TRAF7: variants seen among roughly 807,000 people sequenced by gnomAD.
The protein encoded by TRAF7 is E3 ubiquitin-protein ligase TRAF7.
TRAF7 carries 45 observed loss-of-function variants against 89.3 expected under a neutral mutation model. That is an observed-to-expected ratio of 0.50 (90% confidence interval 0.40 to 0.65). The LOEUF is 0.65. Ranked by LOEUF, TRAF7 falls within the 30% of genes least tolerant of loss-of-function variation. TRAF7 has a pLI of 0.00. For synonymous variants in TRAF7, 406 were observed against 369.2 expected, an observed-to-expected ratio of 1.10 and a Z score of -1.14; for missense variants, 677 against 918.1, an observed-to-expected ratio of 0.74 and a Z score of 3.39.
chr16:2,174,717 G>T (rs969341607), intron 14 of TRAF7, among the ~76,000 whole-genome samples: 5 of 152,222 alleles, frequency 3.3e-5, no homozygotes, highest in African/African-American at 1.2e-4. Context: ...CCACTTTCTT[G>T]CCTCCAGGTG....
intron 2 of TRAF7, 100 bp downstream of exon 2, chr16:2,164,101 G>C (rs566822053): frequency 8.4e-5 from 98 of 1,168,218 alleles, no homozygotes; most frequent in Non-Finnish European, 4.8e-6. Flanking sequence ...GTCCCGTCCC[G>C]AGCTGGGGTC....
At position 2,161,157 on chromosome 16, in the gene TRAF7, T is replaced by C. The variant is rs540626142; in HGVS notation, c.-38-2726T>C. Among the ~76,000 whole-genome samples, 110 of 151,772 alleles carry C rather than the reference T, an allele frequency of 7.2e-4. No homozygotes were observed. The highest frequency in any genetic ancestry group is 6.8e-3 in the Middle Eastern group (2 of 294). On this transcript the variant is annotated intron_variant, in intron 1 of 20. Transcript: ENST00000326181. The surrounding 1 kb of genome is among the most constrained non-coding windows in gnomAD (Gnocchi z 5.2). ...GAGTGAACTGGGAAGCAGCCTCCTG[T>C]GCAGAGTATCCCCCTCCTTCCCTCC...
At position 2,163,747 on chromosome 16, in the gene TRAF7, C is replaced by T; in HGVS notation, c.-38-136C>T. The T allele has an allele frequency of 3.1e-6, 2 of 644,760 alleles. No homozygotes were observed. Among genetic ancestry groups the T allele is most frequent in the South Asian group, 1.8e-5 (1 of 56,702 alleles). The allele number at this position is 644,760 out of a possible 1,614,324, so 39.9% of individuals were successfully genotyped here. The stretch of plus-strand genomic sequence containing the variant: ...TTTGCCTCCTAGAGGCCTGCCTGAG[C>T]CGGGGCTGGTGGTGGAAGGCTGCTG... On this transcript the variant is annotated intron_variant, in intron 1 of 20. Transcript: ENST00000326181. This position sits in a 1 kb window ranked among gnomAD's most constrained non-coding sequence, Gnocchi z 4.3.
chr16:2,163,965 G>C lies in TRAF7; in HGVS notation c.45G>C (p.Gly15=). 1.2e-6 allele frequency: 2 copies of C among 1,612,684 alleles called. No homozygotes were observed. Among genetic ancestry groups the C allele is most frequent in the Non-Finnish European group, 8.5e-7 (1 of 1,179,714 alleles). ...KSARYNRFSG[G]PSNLPTPDVT... is the part of the protein sequence containing the mutation. ...CCCGCTACAACCGCTTCTCCGGGGG[G>C]CCCAGCAATCTTCCCACCCCAGACG... is the stretch of plus-strand genomic sequence containing the variant. The change falls in exon 2 of 21, where the codon GGG becomes GGC. Residue 15 remains glycine, a synonymous_variant. Transcript: ENST00000326181. This position sits in a 1 kb window ranked among gnomAD's most constrained non-coding sequence, Gnocchi z 4.3.
chr16:2,164,405 T>G (rs1429616330), intron 2 of TRAF7, among the ~76,000 whole-genome samples: 1 of 143,090 alleles, frequency 7.0e-6, no homozygotes, highest in East Asian at 2.2e-4. Context: ...GTCGCATGGT[T>G]AAGCGTGTGA....
chr16:2,173,593 CG>C, intron 11 of TRAF7, 39 bp downstream of exon 11: 1 of 1,604,950 alleles, frequency 6.2e-7, no homozygotes, highest in Non-Finnish European at 8.5e-7. Context: ...TTGTGAGACC[CG>C]GGGAGGCCGG....
In TRAF7 at chr16:2,162,759, G is replaced by C. The variant is rs1289723843; in HGVS notation, c.-38-1124G>C. Among the ~76,000 whole-genome samples the C allele has an allele frequency of 2.0e-5, 3 of 152,066 alleles. No individual in the cohort carries two copies. Among genetic ancestry groups the C allele is most frequent in the African/African-American group, 7.2e-5 (3 of 41,426 alleles). On this transcript the variant is annotated intron_variant, in intron 1 of 20. Transcript: ENST00000326181. This position sits in a 1 kb window ranked among gnomAD's most constrained non-coding sequence, Gnocchi z 5.0. Reference sequence around the variant, plus strand: ...ATGGGCCTCGAGGTGGACAGTGCAGGTGGGCCCGGGGCAGGAGTCCTGGGC... The same window carrying C: ...ATGGGCCTCGAGGTGGACAGTGCAGCTGGGCCCGGGGCAGGAGTCCTGGGC...
Position 2,168,418 on chromosome 16 carries a change from C to T in TRAF7, c.231+250C>T. On this transcript the variant is annotated intron_variant, in intron 4 of 20. Coordinates refer to ENST00000326181, the MANE Select transcript of TRAF7 (RefSeq NM_032271.3). This position sits in a 1 kb window ranked among gnomAD's most constrained non-coding sequence, Gnocchi z 4.1. ...GTCAGAGGGCCTGGCACCTGCAGGC[C>T]AGGATGAGGCATATTTGGCTCCATC... The T allele has an allele frequency of 8.4e-6, 4 of 476,066 alleles. No homozygotes were observed. Among genetic ancestry groups the T allele is most frequent in the Non-Finnish European group, 1.1e-5 (3 of 263,080 alleles). 29.5% of individuals were successfully genotyped at this position (476,066 alleles called of 1,614,324 possible).
At chr16:2,167,105 C>T (rs1330795101) in intron 3 of TRAF7, among the ~76,000 whole-genome samples, 2 of 151,848 alleles carry the variant, frequency 1.3e-5, no homozygotes, top group Admixed American at 6.6e-5. Flanking sequence ...TTTTTCTAAT[C>T]CTACCCCCCA....
In TRAF7 at chr16:2,172,191, A is replaced by G; in HGVS notation, c.476A>G (p.Glu159Gly). 1.2e-6 allele frequency: 2 copies of G among 1,612,986 alleles called. No homozygotes were observed. Among genetic ancestry groups the G allele is most frequent in the Non-Finnish European group, 1.7e-6 (2 of 1,179,946 alleles). The change falls in exon 8 of 21, where the codon GAG becomes GGG. Residue 159 changes from glutamate to glycine, a missense_variant and splice_region_variant. This residue lies in a region of TRAF7 where 238 missense variants were observed against 352.6 expected (regional missense o/e 0.67). Transcript: ENST00000326181. ...TFCRRCALKS[E>G]KCPVDNVKLT... ...GGGTCAGCACGCCCTCCTCTCCCAG[A>G]GAAGTGTCCCGTGGACAACGTCAAA...
intron 1 of TRAF7, among the ~76,000 whole-genome samples, chr16:2,160,639 C>G (rs1013425742): frequency 3.3e-5 from 5 of 151,834 alleles, no homozygotes; most frequent in African/African-American, 1.2e-4. Context: ...GGGGAAAGCC[C>G]TTTCTCAGCC....
At chr16:2,175,742 G>A in intron 17 of TRAF7, 92 bp from the exon 18 acceptor site, 1 of 1,589,998 alleles carries the variant, frequency 6.3e-7, no homozygotes, top group Admixed American at 1.7e-5. Context: ...CTGGGTGGGT[G>A]GGCTGCCCAG....
In TRAF7 at chr16:2,168,153, CGAG is replaced by C. The variant is rs768467609; in HGVS notation, c.222_224del (p.Glu74del). 13 of 1,611,376 alleles carry C rather than the reference CGAG, an allele frequency of 8.1e-6. No individual in the cohort carries two copies. The highest frequency in any genetic ancestry group is 1.7e-5 in the Admixed American group (1 of 59,918). On this transcript the variant is annotated inframe_deletion, in exon 4 of 21. Coordinates refer to ENST00000326181, the MANE Select transcript of TRAF7 (RefSeq NM_032271.3). The surrounding 1 kb of genome is among the most constrained non-coding windows in gnomAD (Gnocchi z 4.1). The stretch of plus-strand genomic sequence containing the variant: ...GCACCCTTGCCTACTCCCCGCGGGA[CGAG>C]GAGGACAGCATGGTAGGTCCCTACC...
rs370666417 is a variant in TRAF7 at position 2,176,724 on chromosome 16, A to G, written c.*150A>G. On this transcript the variant is annotated 3_prime_UTR_variant, in exon 21 of 21. Coordinates refer to ENST00000326181, the MANE Select transcript of TRAF7 (RefSeq NM_032271.3). ...AGCCGGGCAGTGCCCTCCCCGTCCC[A>G]TGCTCGGCGAGCCTCCCTCTACTCG... 1 of 1,163,404 alleles carries G rather than the reference A, an allele frequency of 8.6e-7. No individual in the cohort carries two copies. Among genetic ancestry groups the G allele is most frequent in the Non-Finnish European group, 1.2e-6 (1 of 803,688 alleles). The allele number at this position is 1,163,404 out of a possible 1,614,324, so 72.1% of individuals were successfully genotyped here.
At chr16:2,171,840 G>A (rs556187628) in intron 7 of TRAF7, among the ~76,000 whole-genome samples, 2 of 152,220 alleles carry the variant, frequency 1.3e-5, no homozygotes, top group Admixed American at 1.3e-4. Flanking sequence ...CCCACAGTGG[G>A]TGTGGGCCGA....
intron 1 of TRAF7, among the ~76,000 whole-genome samples, chr16:2,156,360 A>G (rs1223511944): frequency 6.6e-6 from 1 of 152,120 alleles, no homozygotes; most frequent in Admixed American, 6.5e-5. Context: ...CAATTGCGAT[A>G]ACAAATGTCT....
Position 2,176,741 on chromosome 16 carries a change from C to A in TRAF7, c.*167C>A. On this transcript the variant is annotated 3_prime_UTR_variant, in exon 21 of 21. Coordinates refer to ENST00000326181, the MANE Select transcript of TRAF7 (RefSeq NM_032271.3). ...CCCGTCCCATGCTCGGCGAGCCTCC[C>A]TCTACTCGGCACTGTCCTTGCTGCC... 1 of 987,086 alleles carries A rather than the reference C, an allele frequency of 1.0e-6. No individual in the cohort carries two copies. The highest frequency in any genetic ancestry group is 1.5e-6 in the Non-Finnish European group (1 of 650,624). 61.1% of individuals were successfully genotyped at this position (987,086 alleles called of 1,614,324 possible). A position where few individuals can be genotyped will look rare whatever the true frequency, so the allele number is the denominator to read the frequency against.
chr16:2,170,310 A>G (rs2093103146), intron 4 of TRAF7, among the ~76,000 whole-genome samples: 1 of 152,232 alleles, frequency 6.6e-6, no homozygotes, highest in Non-Finnish European at 1.5e-5. Flanking sequence ...GGGAAGCAGG[A>G]AGCAGCCCGG....
At position 2,173,196 on chromosome 16, in the gene TRAF7, G is replaced by A; in HGVS notation, c.809G>A (p.Gly270Glu). 6.2e-7 allele frequency: 1 copy of A among 1,609,980 alleles called. No homozygotes were observed. The highest frequency in any genetic ancestry group is 8.5e-7 in the Non-Finnish European group (1 of 1,178,974). The change falls in exon 10 of 21, where the codon GGG (glycine) becomes GAG (glutamate). Residue 270 changes from glycine (G) to glutamate (E), a missense_variant. Physicochemically the swap from Gly to Glu is moderately conservative, Grantham distance 98. Transcript: ENST00000326181. ...TGTCCCCGCAGGTGCACGTTCATCGGGAACCAGGACACTTACGAGACCCAC... is the reference window on the plus strand; with the variant it reads ...TGTCCCCGCAGGTGCACGTTCATCGAGAACCAGGACACTTACGAGACCCAC... ...PHSKYGCTFI[G>E]NQDTYETHLE...
Sources: allele counts gnomAD v4.1 joint callset (sites outside exome capture counted in the v4.1 genomes callset), GRCh38; gene constraint gnomAD v4.1.1; regional missense constraint gnomAD v4.1.1; non-coding constraint Gnocchi (gnomAD v3.1); transcripts MANE v1.5; gene names NCBI Gene and HGNC (gene_info 2026-07-23, HGNC 2026-07-21).